KLC3: variants seen among roughly 807,000 people sequenced by gnomAD.
KLC3 encodes the protein kinesin light chain 3, also known as kinesin light chain 2.
KLC3 carries 72 observed loss-of-function variants against 62.9 expected under a neutral mutation model. The ratio of observed to expected loss-of-function variants is 1.15; its 90% CI spans 0.95 to 1.39. The LOEUF (loss-of-function observed/expected upper bound fraction) is 1.39, where lower values mean the gene tolerates loss of function less well. Ranked by LOEUF, KLC3 falls within the 40% of genes most tolerant of loss-of-function variation. The pLI is 0.00. For synonymous variants in KLC3, 377 were observed against 300.5 expected, an observed-to-expected ratio of 1.25 and a Z score of -2.63; for missense variants, 848 against 691.6, an observed-to-expected ratio of 1.23 and a Z score of -2.54.
At chr19:45,348,518 C>G in intron 5 of KLC3, 128 bp from the exon 6 acceptor site, 1 of 880,364 alleles carries the variant, frequency 1.1e-6, no homozygotes, top group Non-Finnish European at 1.8e-6. Context: ...AAAAGGCCCT[C>G]AAAGGGTGTG....
Position 45,349,589 on chromosome 19 carries a change from C to CCAAGAA in KLC3, c.1134_1139dup (p.Lys378_Asn379dup). Reference sequence around the variant, plus strand: ...CCCCATGACCCCAACGTGGCCAAGACCAAGAACAACCTGGTGAGGCCCCTG... The same window carrying CCAAGAA: ...CCCCATGACCCCAACGTGGCCAAGACCAAGAACAAGAACAACCTGGTGAGGCCCCTG... On this transcript the variant is annotated inframe_insertion, in exon 8 of 13. Transcript: ENST00000391946. 1.2e-6 allele frequency: 2 copies of CCAAGAA among 1,611,300 alleles called. No individual in the cohort carries two copies. The highest frequency in any genetic ancestry group is 1.7e-6 in the Non-Finnish European group (2 of 1,178,338).
At chr19:45,349,911 T>C (rs1971635135) in intron 8 of KLC3, 1 of 444,716 alleles carries the variant, frequency 2.2e-6, no homozygotes, top group Non-Finnish European at 4.0e-6. Context: ...CGCTAGTTCT[T>C]ATAGCGTCCC....
At chr19:45,348,578 C>A in intron 5 of KLC3, 68 bp from the exon 6 acceptor site, 2 of 1,476,804 alleles carry the variant, frequency 1.4e-6, no homozygotes, top group Non-Finnish European at 1.9e-6. Flanking sequence ...AGGATTGGCC[C>A]AGCCCCTGTG....
intron 1 of KLC3, among the ~76,000 whole-genome samples, chr19:45,342,930 C>T (rs555886351): frequency 6.6e-6 from 1 of 152,280 alleles, no homozygotes; most frequent in Admixed American, 6.5e-5. Context: ...TGTGCAAAAA[C>T]CGCTGGGCTG....
chr19:45,342,885 G>T (rs1044507708), intron 1 of KLC3, among the ~76,000 whole-genome samples: 6 of 152,210 alleles, frequency 3.9e-5, no homozygotes, highest in African/African-American at 1.4e-4. Context: ...AAAACGTACA[G>T]GACCCTTACT....
intron 12 of KLC3, 104 bp from the exon 13 acceptor site, chr19:45,351,182 G>GA: frequency 6.3e-7 from 1 of 1,585,286 alleles, no homozygotes; most frequent in Admixed American, 1.7e-5. Context: ...GGGTAGAGGC[G>GA]AGGGGGTTGG....
intron 1 of KLC3, among the ~76,000 whole-genome samples, chr19:45,341,578 T>TGTGCGCGCGC: frequency 7.9e-5 from 11 of 139,902 alleles, no homozygotes; most frequent in Admixed American, 4.2e-4. Flanking sequence ...TGTGTGTGTG[T>TGTGCGCGCGC]GCGCGCGCGC....
intron 2 of KLC3, among the ~76,000 whole-genome samples, chr19:45,346,219 G>A (rs1397794457): frequency 6.6e-6 from 1 of 152,056 alleles, no homozygotes; most frequent in Non-Finnish European, 1.5e-5. Context: ...GAGGCCTAGG[G>A]GAACCAGGCC....
rs757227601 is a variant in KLC3 at position 45,350,640 on chromosome 19, G to C, written c.1273-1G>C. On this transcript the variant is annotated splice_acceptor_variant, in intron 10 of 12. Transcript: ENST00000391946. LOFTEE classifies it high-confidence loss of function. Reference sequence around the variant, plus strand: ...GAGCAGCATCCCCGGCCCCTCCCCAGGCCCTTCGCCGCAGCAGCTCACTCT... The same window carrying C: ...GAGCAGCATCCCCGGCCCCTCCCCACGCCCTTCGCCGCAGCAGCTCACTCT... The C allele has an allele frequency of 2.5e-6, 4 of 1,613,332 alleles. No individual in the cohort carries two copies. The highest frequency in any genetic ancestry group is 3.4e-6 in the Non-Finnish European group (4 of 1,179,588).
Position 45,345,732 on chromosome 19 carries a change from TGGA to T in KLC3, c.195_197del (p.Glu66del). On this transcript the variant is annotated inframe_deletion, in exon 2 of 13. Coordinates refer to ENST00000391946, the MANE Select transcript of KLC3 (RefSeq NM_177417.3). ...GGCCCGGCAGCCGGCTTGGAGATGCTGGAGGAAAAGCAGCAGGTGGTGAGCCAC... is the reference window on the plus strand; with the variant it reads ...GGCCCGGCAGCCGGCTTGGAGATGCTGGAAAAGCAGCAGGTGGTGAGCCAC... 6.4e-7 allele frequency: 1 copy of T among 1,559,708 alleles called. No individual in the cohort carries two copies. Among genetic ancestry groups the T allele is most frequent in the Non-Finnish European group, 8.7e-7 (1 of 1,152,906 alleles).
Position 45,351,328 on chromosome 19 carries a change from G to A in KLC3, c.1486G>A (p.Ala496Thr), listed in dbSNP as rs368153383. The A allele has an allele frequency of 7.4e-5, 119 of 1,611,906 alleles. No individual in the cohort carries two copies. Among genetic ancestry groups the A allele is most frequent in the Admixed American group, 2.0e-4 (12 of 59,982 alleles). ...HLDKAPRTLS[A>T]STQDLSPH ...GGACAAGGCCCCTCGGACCCTCAGC[G>A]CCAGCACCCAGGACCTGAGCCCCCA... Residue 496 changes from alanine to threonine, a missense_variant, in exon 13 of 13, where the codon GCC becomes ACC. Ala to Thr is a moderately conservative substitution (Grantham distance 58, BLOSUM62 0). Coordinates refer to ENST00000391946, the MANE Select transcript of KLC3 (RefSeq NM_177417.3).
chr19:45,346,187 A>G (rs1029369323), intron 2 of KLC3, among the ~76,000 whole-genome samples: 1 of 152,076 alleles, frequency 6.6e-6, no homozygotes, highest in Non-Finnish European at 1.5e-5. Flanking sequence ...AGTATGGCAG[A>G]GAGGCACATC....
intron 8 of KLC3, 173 bp from the exon 9 acceptor site, chr19:45,350,168 C>A (rs1168701304): frequency 1.6e-6 from 1 of 610,322 alleles, no homozygotes; most frequent in Non-Finnish European, 2.9e-6. Flanking sequence ...ACGCTTGTAA[C>A]CCCAACACTT....
intron 12 of KLC3, 92 bp downstream of exon 12, chr19:45,351,109 T>A: frequency 6.2e-7 from 1 of 1,607,350 alleles, no homozygotes; most frequent in Admixed American, 1.7e-5. Context: ...AGTGGTGGAG[T>A]CAGCAGGTGG....
chr19:45,349,995 G>C (rs529115972), intron 8 of KLC3: 3 of 440,150 alleles, frequency 6.8e-6, no homozygotes, highest in African/African-American at 5.9e-5. Flanking sequence ...CCAGCCCAAA[G>C]TACAGCAGAC....
chr19:45,351,130 T>G lies in KLC3; in HGVS notation c.1443+113T>G, dbSNP rs140206614. ...GGAGTCAGCAGGTGGTGGGTTGGTG[T>G]CAGAAGAGACCCAGGACAGGAGCAA... On this transcript the variant is annotated intron_variant, in intron 12 of 12. Transcript: ENST00000391946. 5.0e-5 allele frequency: 80 copies of G among 1,603,198 alleles called. No individual in the cohort carries two copies. The African/African-American group carries it at 5.8e-4, about 12-fold the overall frequency.
chr19:45,341,344 C>T (rs1971390236), intron 1 of KLC3, among the ~76,000 whole-genome samples: 1 of 152,094 alleles, frequency 6.6e-6, no homozygotes, highest in Non-Finnish European at 1.5e-5. Flanking sequence ...TGGGCGACCT[C>T]TGACTGGAAT....
At chr19:45,349,834 A>T in intron 8 of KLC3, 1 of 539,970 alleles carries the variant, frequency 1.9e-6, no homozygotes, top group Non-Finnish European at 3.3e-6. Context: ...TGGCAGGCAC[A>T]GGTGGCAGCA....
Position 45,349,168 on chromosome 19 carries a change from T to C in KLC3, c.969+247T>C, listed in dbSNP as rs187603368. Among the ~76,000 whole-genome samples the C allele has an allele frequency of 1.8e-4, 28 of 152,040 alleles. No individual in the cohort carries two copies. The East Asian group carries it at 5.2e-3, about 29-fold the overall frequency. ...CCTCCAACTGGGTCCCCCCATAGCC[T>C]TTCCAACCCCTCATGGCCACCAGCA... On this transcript the variant is annotated intron_variant, in intron 7 of 12. Coordinates refer to ENST00000391946, the MANE Select transcript of KLC3 (RefSeq NM_177417.3).
Sources: gnomAD v4.1 joint callset for allele counts (sites outside exome capture counted in the v4.1 genomes callset) on GRCh38, gnomAD v4.1.1 for gene constraint, MANE v1.5 for transcripts, NCBI Gene and HGNC (gene_info 2026-07-23, HGNC 2026-07-21) for gene names.